Variants in DYNC2I1 observed in about 807,000 individuals in gnomAD.
DYNC2I1 encodes the protein cytoplasmic dynein 2 intermediate chain 1.
Under a neutral mutation model 133.4 loss-of-function variants are expected in DYNC2I1, and 89 were observed. That is an observed-to-expected ratio of 0.67 (90% CI 0.56 to 0.80). The LOEUF (loss-of-function observed/expected upper bound fraction) is 0.80. DYNC2I1 is among the 30% of genes least tolerant of loss of function. The pLI, the probability that DYNC2I1 is intolerant of heterozygous loss-of-function variation, is 0.00. For synonymous variants in DYNC2I1, 504 were observed against 484.3 expected, an observed-to-expected ratio of 1.04 and a Z score of -0.54; for missense variants, 1,291 against 1,314.5, an observed-to-expected ratio of 0.98 and a Z score of 0.28.
intron 3 of DYNC2I1, 56 bp from the exon 4 acceptor site, chr7:158,876,553 A>T: frequency 6.6e-7 from 1 of 1,504,292 alleles, no homozygotes; most frequent in South Asian, 1.4e-5. Flanking sequence ...ATGTTAAAAG[A>T]GTTTTTTGAT....
rs2129477304 is a variant in DYNC2I1 at position 158,869,842 on chromosome 7, C to T, written c.16-13C>T. The T allele has an allele frequency of 1.2e-6, 2 of 1,605,346 alleles. No individual in the cohort carries two copies. The highest frequency in any genetic ancestry group is 1.7e-6 in the Non-Finnish European group (2 of 1,173,520). ...TTATTTTAAACATTCTAACTTTATA[C>T]TTTTCTATTTAGAGAAGAACCAAAG... On this transcript the variant is annotated splice_polypyrimidine_tract_variant and intron_variant, in intron 1 of 24. Transcript: ENST00000407559.
intron 14 of DYNC2I1, among the ~76,000 whole-genome samples, chr7:158,918,281 A>G (rs914678150): frequency 1.3e-5 from 2 of 152,030 alleles, no homozygotes; most frequent in Non-Finnish European, 2.9e-5. Flanking sequence ...TTTTCCATCA[A>G]TCCTGTTTTG....
At chr7:158,934,022 G>A in intron 21 of DYNC2I1, 107 bp from the exon 22 acceptor site, 2 of 744,742 alleles carry the variant, frequency 2.7e-6, no homozygotes, top group Non-Finnish European at 4.4e-6. Context: ...AATGTGACAT[G>A]GCCTGTTATA....
chr7:158,958,631 T>C (rs911272940), downstream of DYNC2I1, among the ~76,000 whole-genome samples: 2 of 152,244 alleles, frequency 1.3e-5, no homozygotes, highest in Admixed American at 6.5e-5. Context: ...AATGAGTTTC[T>C]AGTTTTCAGC....
At chr7:158,928,261 G>C (rs1849821315) in intron 20 of DYNC2I1, among the ~76,000 whole-genome samples, 1 of 150,842 alleles carries the variant, frequency 6.6e-6, no homozygotes, top group Non-Finnish European at 1.5e-5. Context: ...GTTGAGATTA[G>C]CCCATGTTTT....
intron 4 of DYNC2I1, among the ~76,000 whole-genome samples, chr7:158,953,454 G>T (rs1032560273): frequency 6.6e-6 from 1 of 152,244 alleles, no homozygotes; most frequent in African/African-American, 2.4e-5. Flanking sequence ...ATAGTACAAG[G>T]TTCCTGCTCA....
At position 158,891,318 on chromosome 7, in the gene DYNC2I1, A is replaced by T; in HGVS notation, c.1044A>T (p.Gly348=). ...GGTGGAAGCTGGACCAGAGGCCGGG[A>T]GGCGAGGAAACCGTGGTAAGGAGAG... is the stretch of plus-strand genomic sequence containing the variant. The part of the protein sequence containing the change: ...SVWWKLDQRP[G]GEETVEIEKE... The change falls in exon 8 of 25, where the codon GGA becomes GGT. Residue 348 remains glycine, a synonymous_variant. Transcript: ENST00000407559. 1 of 1,614,038 alleles carries T rather than the reference A, an allele frequency of 6.2e-7. No homozygotes were observed. Among genetic ancestry groups the T allele is most frequent in the Non-Finnish European group, 8.5e-7 (1 of 1,179,896 alleles).
intron 8 of DYNC2I1, 116 bp downstream of exon 8, chr7:158,891,449 C>G: frequency 8.8e-7 from 1 of 1,140,760 alleles, no homozygotes; most frequent in Non-Finnish European, 1.3e-6. Context: ...TTTCAGACAG[C>G]AGAACATGAG....
chr7:158,847,006 T>A, the DYNC2I1 span, among the ~76,000 whole-genome samples: 1 of 152,232 alleles, frequency 6.6e-6, no homozygotes, highest in African/African-American at 2.4e-5. Flanking sequence ...TTCTTATTAA[T>A]TGACTTAAAG....
chr7:158,857,974 A>G (rs1841465107), intron 1 of DYNC2I1, among the ~76,000 whole-genome samples: 1 of 152,002 alleles, frequency 6.6e-6, no homozygotes, highest in East Asian at 1.9e-4. Context: ...TATTTTTAGT[A>G]GGGATGGGGT....
intron 23 of DYNC2I1, among the ~76,000 whole-genome samples, chr7:158,938,823 C>T (rs376080839): frequency 1.3e-5 from 2 of 151,834 alleles, no homozygotes; most frequent in African/African-American, 2.4e-5. Context: ...AAAAAATACA[C>T]GCAAAAACAA....
chr7:158,923,585 C>T lies in DYNC2I1; in HGVS notation c.2109C>T (p.Cys703=), dbSNP rs146344761. The T allele has an allele frequency of 6.2e-7, 1 of 1,614,048 alleles. No homozygotes were observed. The highest frequency in any genetic ancestry group is 2.2e-5 in the East Asian group (1 of 44,884). The change falls in exon 17 of 25, where the codon TGC becomes TGT. Residue 703 remains cysteine, a synonymous_variant. Transcript: ENST00000407559. ...TTGTCTTTTAGGTCACGTGTTGCTG[C>T]TTGAGCCCTTTGAAAGCATTTTTAC... ...LICESQVTCC[C]LSPLKAFLLF...
At chr7:158,892,345 A>G (rs1333458037) in intron 8 of DYNC2I1, among the ~76,000 whole-genome samples, 1 of 152,250 alleles carries the variant, frequency 6.6e-6, no homozygotes, top group Non-Finnish European at 1.5e-5. Flanking sequence ...ATGTTATTTA[A>G]TATAATGTAC....
At chr7:158,907,356 C>G (rs1193766312) in intron 11 of DYNC2I1, among the ~76,000 whole-genome samples, 1 of 141,270 alleles carries the variant, frequency 7.1e-6, no homozygotes, top group Non-Finnish European at 1.5e-5. Flanking sequence ...TTTATAAACT[C>G]AGAAATAAAG....
chr7:158,933,445 G>A (rs776044389), intron 21 of DYNC2I1, among the ~76,000 whole-genome samples: 2 of 152,204 alleles, frequency 1.3e-5, no homozygotes, highest in Non-Finnish European at 2.9e-5. Context: ...TTTGCCTGAG[G>A]CAAGGAGGTA....
chr7:158,914,404 TCTTAAAGTCTTTGTAGCTTGG>T, intron 14 of DYNC2I1, 83 bp downstream of exon 14: 1 of 1,079,806 alleles, frequency 9.3e-7, no homozygotes, highest in South Asian at 1.6e-5. Flanking sequence ...GCTTTTAAGA[TCTTAAAGTCTTTGTAGCTTGG>T]ATAAATCAGA....
chr7:158,914,058 G>T (rs1409809530), intron 13 of DYNC2I1, among the ~76,000 whole-genome samples, 175 bp from the exon 14 acceptor site: 1 of 152,198 alleles, frequency 6.6e-6, no homozygotes, highest in East Asian at 1.9e-4. Context: ...ACAATATGCA[G>T]TTGTTTTGGG....
intron 1 of DYNC2I1, among the ~76,000 whole-genome samples, chr7:158,864,880 T>G (rs1270392005): frequency 6.6e-6 from 1 of 152,232 alleles, no homozygotes; most frequent in African/African-American, 2.4e-5. Flanking sequence ...TAACCTCTGA[T>G]GAGTGTTTTC....
intron 23 of DYNC2I1, among the ~76,000 whole-genome samples, chr7:158,937,141 A>G (rs1850839696): frequency 6.6e-6 from 1 of 152,226 alleles, no homozygotes. Flanking sequence ...GATCTCCAAG[A>G]CAACACAGAA....
Sources: gnomAD v4.1 joint callset for allele counts (sites outside exome capture counted in the v4.1 genomes callset) on GRCh38, gnomAD v4.1.1 for gene constraint, MANE v1.5 for transcripts, NCBI Gene and HGNC (gene_info 2026-07-23, HGNC 2026-07-21) for gene names.